IMMP2L: variants seen among roughly 807,000 people sequenced by gnomAD.
IMMP2L encodes the protein mitochondrial inner membrane protease subunit 2.
A neutral mutation model predicts 19.3 loss-of-function variants in IMMP2L; 18 were observed. That is an observed-to-expected ratio of 0.93 (90% CI 0.64 to 1.38). The LOEUF is 1.38. Among genes scored for constraint, IMMP2L ranks in the 40% most tolerant of loss-of-function variants. The pLI is 0.00. For synonymous variants in IMMP2L, 76 were observed against 73.0 expected (o/e 1.04, Z -0.21); for missense variants, 233 against 218.2 (o/e 1.07, Z -0.43).
chr7:111,064,223 C>T (rs1794289347), intron 3 of IMMP2L, among the ~76,000 whole-genome samples: 1 of 152,196 alleles, frequency 6.6e-6, no homozygotes, highest in South Asian at 2.1e-4. Flanking sequence ...TCATGGGATG[C>T]TTTCACTATC....
At position 110,757,176 on chromosome 7, in the gene IMMP2L, T is replaced by C. The variant is rs1798084925; in HGVS notation, c.409-93455A>G. On this transcript the variant is annotated intron_variant, in intron 5 of 5. Transcript: ENST00000405709. The surrounding 1 kb of genome is among the most constrained non-coding windows in gnomAD (Gnocchi z 4.2). Reference sequence around the variant, plus strand: ...AGAAAAATAAAGTCAGAAAGAGGCATAGGGAGGGAATCCAGTGTTGGAGGC... The same window carrying C: ...AGAAAAATAAAGTCAGAAAGAGGCACAGGGAGGGAATCCAGTGTTGGAGGC... Among the ~76,000 whole-genome samples, 2 of 151,906 alleles carry C rather than the reference T, an allele frequency of 1.3e-5. No homozygotes were observed. The highest frequency in any genetic ancestry group is 6.6e-5 in the Admixed American group (1 of 15,206).
chr7:110,700,699 T>C lies in IMMP2L; in HGVS notation c.409-36978A>G, dbSNP rs184757286. Among the ~76,000 whole-genome samples the C allele has an allele frequency of 2.0e-5, 3 of 152,352 alleles. No homozygotes were observed. In the East Asian group the frequency reaches 5.8e-4, roughly 29 times the overall value. On this transcript the variant is annotated intron_variant, in intron 5 of 5. Coordinates refer to ENST00000405709, the MANE Select transcript of IMMP2L (RefSeq NM_032549.4). Reference sequence around the variant, plus strand: ...ACTCTAACTTGAGGTTAGCATCTGTTGGATATTGGACTTTCTTACCTGGTC... The same window carrying C: ...ACTCTAACTTGAGGTTAGCATCTGTCGGATATTGGACTTTCTTACCTGGTC...
intron 3 of IMMP2L, among the ~76,000 whole-genome samples, chr7:111,008,487 T>C (rs1824546583): frequency 6.6e-6 from 1 of 152,006 alleles, no homozygotes. Context: ...CTGACAATTA[T>C]ATAAAAGAAA....
chr7:110,930,071 A>C (rs1330925620), intron 4 of IMMP2L, among the ~76,000 whole-genome samples: 1 of 152,180 alleles, frequency 6.6e-6, no homozygotes, highest in East Asian at 1.9e-4. Context: ...TAATCATTTC[A>C]TCATATATAA....
chr7:110,903,167 C>T (rs1648175539), intron 4 of IMMP2L, among the ~76,000 whole-genome samples: 1 of 152,104 alleles, frequency 6.6e-6, no homozygotes, highest in African/African-American at 2.4e-5. Context: ...GCCACACACA[C>T]CAGGCTAACA....
At chr7:110,754,969 G>A (rs1797954514) in intron 5 of IMMP2L, among the ~76,000 whole-genome samples, 1 of 151,798 alleles carries the variant, frequency 6.6e-6, no homozygotes, top group South Asian at 2.1e-4. Flanking sequence ...CTGACCGTCA[G>A]GCTCTGATAA....
chr7:110,777,849 A>G (rs1799496172), intron 5 of IMMP2L, among the ~76,000 whole-genome samples: 1 of 152,110 alleles, frequency 6.6e-6, no homozygotes, highest in Non-Finnish European at 1.5e-5. Flanking sequence ...CTAATTAATT[A>G]TTTTAAGAGA....
At chr7:111,362,806 T>G (rs1411790654) in intron 3 of IMMP2L, among the ~76,000 whole-genome samples, 2 of 152,082 alleles carry the variant, frequency 1.3e-5, no homozygotes, top group East Asian at 3.9e-4. Flanking sequence ...CCTGGAGAAG[T>G]GTACAATGAG....
At chr7:110,769,676 A>G (rs886879948) in intron 5 of IMMP2L, among the ~76,000 whole-genome samples, 5 of 152,146 alleles carry the variant, frequency 3.3e-5, no homozygotes, top group Non-Finnish European at 7.4e-5. Flanking sequence ...TCTGATCACC[A>G]CTTAACATGG....
chr7:111,554,430 G>T (rs1015861283), intron 1 of IMMP2L, among the ~76,000 whole-genome samples: 4 of 151,918 alleles, frequency 2.6e-5, no homozygotes, highest in Admixed American at 2.0e-4. Context: ...GGCCATTAAG[G>T]AATATTTTAT....
intron 3 of IMMP2L, among the ~76,000 whole-genome samples, chr7:111,317,646 C>T (rs907856060): frequency 2.0e-5 from 3 of 152,002 alleles, no homozygotes; most frequent in African/African-American, 7.2e-5. Context: ...GTCTTCATTC[C>T]CCAGATCATA....
At chr7:111,352,723 G>T (rs540762056) in intron 3 of IMMP2L, among the ~76,000 whole-genome samples, 5 of 152,070 alleles carry the variant, frequency 3.3e-5, no homozygotes, top group African/African-American at 2.4e-5. Flanking sequence ...CACAGCAGCC[G>T]CATGGTATCG....
chr7:111,460,977 T>A (rs1037789431), intron 3 of IMMP2L, among the ~76,000 whole-genome samples: 1 of 148,798 alleles, frequency 6.7e-6, no homozygotes, highest in Non-Finnish European at 1.5e-5. Context: ...TGCTTAACCA[T>A]CTTATTCATT....
chr7:110,963,588 T>C (rs202158664), intron 3 of IMMP2L, 23 bp from the exon 4 acceptor site: 3 of 1,397,284 alleles, frequency 2.1e-6, no homozygotes, highest in East Asian at 2.3e-5. Context: ...GATAACATTA[T>C]ACAATCAGTT....
intron 3 of IMMP2L, among the ~76,000 whole-genome samples, chr7:111,299,413 G>C (rs564965364): frequency 6.6e-5 from 10 of 152,150 alleles, no homozygotes; most frequent in Admixed American, 3.3e-4. Flanking sequence ...CTATATGCTA[G>C]GTGTTCTAGT....
At chr7:111,533,468 T>C (rs1460763022) in intron 1 of IMMP2L, among the ~76,000 whole-genome samples, 1 of 152,148 alleles carries the variant, frequency 6.6e-6, no homozygotes, top group Non-Finnish European at 1.5e-5. Flanking sequence ...CTGTGTGAGA[T>C]AATAAATGTG....
intron 3 of IMMP2L, among the ~76,000 whole-genome samples, chr7:111,304,815 G>C (rs745553975): frequency 7.3e-5 from 11 of 150,658 alleles, no homozygotes; most frequent in Non-Finnish European, 1.6e-4. Flanking sequence ...AATTAGAAGG[G>C]AAATTTAAGA....
intron 4 of IMMP2L, among the ~76,000 whole-genome samples, chr7:110,936,530 C>A (rs1816130015): frequency 6.6e-6 from 1 of 152,122 alleles, no homozygotes; most frequent in Non-Finnish European, 1.5e-5. Context: ...GAATGGCAAT[C>A]ATTAAAAAGT....
chr7:110,906,697 A>C (rs2129547827), intron 4 of IMMP2L, among the ~76,000 whole-genome samples: 1 of 152,164 alleles, frequency 6.6e-6, no homozygotes, highest in South Asian at 2.1e-4. Flanking sequence ...TGATTTAATT[A>C]ATTTATAATA....
Sources: allele counts gnomAD v4.1 joint callset (sites outside exome capture counted in the v4.1 genomes callset), GRCh38; gene constraint gnomAD v4.1.1; non-coding constraint Gnocchi (gnomAD v3.1); transcripts MANE v1.5; gene names NCBI Gene and HGNC (gene_info 2026-07-23, HGNC 2026-07-21).